PAK5: variants seen among roughly 807,000 people sequenced by gnomAD.
PAK5 encodes serine/threonine-protein kinase PAK 5.
In PAK5, 16 loss-of-function variants were observed where a neutral mutation model predicts 65.9. The ratio of observed to expected loss-of-function variants is 0.24; its 90% CI spans 0.16 to 0.37. PAK5 has a LOEUF of 0.37. Ranked by LOEUF, PAK5 falls within the 10% of genes least tolerant of loss-of-function variation. The pLI, the probability that PAK5 is intolerant of heterozygous loss-of-function variation, is 1.00. For missense variants in PAK5, 785 were observed against 903.9 expected (o/e 0.87, Z 1.69); for synonymous variants, 371 against 354.9 (o/e 1.05, Z -0.51).
intron 4 of PAK5, chr20:9,575,580 A>G (rs1603224742): frequency 6.6e-6 from 1 of 152,322 alleles, no homozygotes; most frequent in South Asian, 2.1e-4. Flanking sequence ...CACTTCCTTT[A>G]CAGCCCATAG....
At chr20:9,758,903 G>A (rs563890247) in intron 1 of PAK5, among the ~76,000 whole-genome samples, 1 of 152,220 alleles carries the variant, frequency 6.6e-6, no homozygotes, top group African/African-American at 2.4e-5. Flanking sequence ...AGGCAGCAAA[G>A]TTTTTACCAA....
At chr20:9,550,436 C>T (rs1434122683) in intron 7 of PAK5, among the ~76,000 whole-genome samples, 1 of 152,030 alleles carries the variant, frequency 6.6e-6, no homozygotes, top group East Asian at 1.9e-4. Context: ...TCTCCTTCAC[C>T]CTGAGGTCCC....
intron 2 of PAK5, among the ~76,000 whole-genome samples, chr20:9,676,200 C>A (rs1327939634): frequency 6.6e-6 from 1 of 151,960 alleles, no homozygotes; most frequent in Non-Finnish European, 1.5e-5. Context: ...AAGAACAGCA[C>A]GGGAAGGACC....
At chr20:9,587,268 T>C (rs2046086526) in intron 3 of PAK5, among the ~76,000 whole-genome samples, 1 of 152,158 alleles carries the variant, frequency 6.6e-6, no homozygotes, top group Non-Finnish European at 1.5e-5. Context: ...GGATAATTGA[T>C]GTGGGAGACT....
intron 2 of PAK5, among the ~76,000 whole-genome samples, chr20:9,663,732 A>G (rs934016519): frequency 1.3e-5 from 2 of 152,182 alleles, no homozygotes; most frequent in African/African-American, 4.8e-5. Context: ...GGAATCTTAC[A>G]TTACCATTGA....
chr20:9,545,474 A>G (rs1348504790), intron 7 of PAK5, among the ~76,000 whole-genome samples: 2 of 152,176 alleles, frequency 1.3e-5, no homozygotes, highest in Non-Finnish European at 2.9e-5. Context: ...GTTCAGAATG[A>G]CCACTTGAAG....
intron 2 of PAK5, among the ~76,000 whole-genome samples, chr20:9,659,146 T>G (rs539686805): frequency 1.3e-5 from 2 of 152,212 alleles, no homozygotes; most frequent in Non-Finnish European, 2.9e-5. Context: ...TGTGTGTGCA[T>G]GTGTACACAC....
intron 3 of PAK5, among the ~76,000 whole-genome samples, chr20:9,601,672 T>C (rs990189132): frequency 6.6e-6 from 1 of 152,176 alleles, no homozygotes; most frequent in African/African-American, 2.4e-5. Context: ...GACTTTGAAC[T>C]TGGCCACGTG....
intron 1 of PAK5, among the ~76,000 whole-genome samples, chr20:9,789,812 A>C (rs1393435142): frequency 6.6e-6 from 1 of 152,146 alleles, no homozygotes; most frequent in African/African-American, 2.4e-5. Flanking sequence ...ATGGTTACAA[A>C]GTCACTCTTG....
intron 1 of PAK5, among the ~76,000 whole-genome samples, chr20:9,751,369 T>A (rs915910736): frequency 6.6e-6 from 1 of 152,156 alleles, no homozygotes; most frequent in African/African-American, 2.4e-5. Flanking sequence ...ATTCCTACAA[T>A]ACAACTGTCT....
chr20:9,648,290 C>T (rs2047159668), intron 2 of PAK5, among the ~76,000 whole-genome samples: 1 of 152,174 alleles, frequency 6.6e-6, no homozygotes, highest in East Asian at 1.9e-4. Flanking sequence ...CTAGTGAACT[C>T]ACACGGGTTG....
chr20:9,752,774 C>T (rs2048591299), intron 1 of PAK5, among the ~76,000 whole-genome samples: 1 of 152,032 alleles, frequency 6.6e-6, no homozygotes, highest in Non-Finnish European at 1.5e-5. Flanking sequence ...GTATCCAAGC[C>T]CTTGCAATGT....
intron 1 of PAK5, among the ~76,000 whole-genome samples, chr20:9,818,958 G>A (rs982308139): frequency 1.3e-5 from 2 of 152,162 alleles, no homozygotes; most frequent in East Asian, 3.8e-4. Context: ...TTGTCCAAAA[G>A]TTGAATTGAT....
At chr20:9,807,054 T>G (rs1378747979) in intron 1 of PAK5, among the ~76,000 whole-genome samples, 2 of 152,124 alleles carry the variant, frequency 1.3e-5, no homozygotes, top group Non-Finnish European at 2.9e-5. Flanking sequence ...TCACATCTCC[T>G]CTGATTTGAC....
At position 9,580,506 on chromosome 20, in the gene PAK5, C is replaced by T; in HGVS notation, c.629G>A (p.Ser210Asn). ...HSHLDSLSKP[S>N]EYSDLKWEYQ... ...CTCCCACTTGAGGTCACTGTATTCACTTGGTTTGCTCAGTGAGTCCAAATG... is the reference window on the plus strand; with the variant it reads ...CTCCCACTTGAGGTCACTGTATTCATTTGGTTTGCTCAGTGAGTCCAAATG... The change falls in exon 4 of 10, where the codon AGT becomes AAT. Residue 210 changes from serine to asparagine, a missense_variant. Around this residue, in one of 4 missense-constraint regions of PAK5, gnomAD observed 422 missense variants for 413.3 expected, o/e 1.02. Coordinates refer to ENST00000353224, the MANE Select transcript of PAK5 (RefSeq NM_177990.4). 6.2e-7 allele frequency: 1 copy of T among 1,614,128 alleles called. No individual in the cohort carries two copies. Among genetic ancestry groups the T allele is most frequent in the South Asian group, 1.1e-5 (1 of 91,080 alleles).
chr20:9,614,289 A>C (rs1698756567), intron 3 of PAK5, among the ~76,000 whole-genome samples: 1 of 152,244 alleles, frequency 6.6e-6, no homozygotes, highest in Non-Finnish European at 1.5e-5. Context: ...AGAAACATCC[A>C]GAACTGAAAA....
intron 1 of PAK5, among the ~76,000 whole-genome samples, chr20:9,828,544 C>A (rs28727941): frequency 3.3e-5 from 5 of 152,278 alleles, no homozygotes; most frequent in African/African-American, 1.2e-4. Flanking sequence ...ATTTTCTATT[C>A]TTCCAGAAAG....
chr20:9,786,451 G>A (rs2048993547), intron 1 of PAK5, among the ~76,000 whole-genome samples: 1 of 152,052 alleles, frequency 6.6e-6, no homozygotes, highest in Non-Finnish European at 1.5e-5. Context: ...CCTTGATCCA[G>A]GAGAGCAAAC....
At chr20:9,753,209 G>C (rs2048596273) in intron 1 of PAK5, among the ~76,000 whole-genome samples, 1 of 152,138 alleles carries the variant, frequency 6.6e-6, no homozygotes, top group Non-Finnish European at 1.5e-5. Flanking sequence ...AAATTTTGAA[G>C]TTGTGTGTTA....
Sources: gnomAD v4.1 joint callset for allele counts (sites outside exome capture counted in the v4.1 genomes callset) on GRCh38, gnomAD v4.1.1 for gene constraint, gnomAD v4.1.1 regional missense constraint, MANE v1.5 for transcripts, NCBI Gene and HGNC (gene_info 2026-07-23, HGNC 2026-07-21) for gene names.